The following SEMA6D variants were observed in gnomAD, a reference collection of about 807,000 sequenced individuals.
SEMA6D encodes the protein semaphorin-6D.
Under a neutral mutation model 106.6 loss-of-function variants are expected in SEMA6D, and 35 were observed. The observed-to-expected ratio is 0.33, with a 90% CI of 0.25 to 0.44. The LOEUF (loss-of-function observed/expected upper bound fraction) is 0.44. Ranked by LOEUF, SEMA6D falls within the 20% of genes least tolerant of loss-of-function variation. SEMA6D has a pLI of 1.00. For synonymous variants in SEMA6D, 499 were observed against 487.7 expected (o/e 1.02, Z -0.31); for missense variants, 1,185 against 1,345.9 (o/e 0.88, Z 1.87).
intron 1 of SEMA6D, among the ~76,000 whole-genome samples, chr15:47,723,838 T>TATTGGGTTTTTAAAGCCCA (rs1234955843): frequency 7.2e-5 from 11 of 152,238 alleles, no homozygotes; most frequent in Admixed American, 7.2e-4. Flanking sequence ...TAAAGCCCAA[T>TATTGGGTTTTTAAAGCCCA]ATGTTGGTAC....
intron 1 of SEMA6D, among the ~76,000 whole-genome samples, chr15:47,221,808 T>C (rs527435927): frequency 6.6e-6 from 1 of 152,352 alleles, no homozygotes; most frequent in African/African-American, 2.4e-5. Flanking sequence ...TCACATTATT[T>C]AAATGGATTG....
At chr15:47,654,565 C>G (rs77609223) in intron 4 of SEMA6D, among the ~76,000 whole-genome samples, 27,180 of 152,134 alleles carry the variant, frequency 0.18, 3,009 homozygotes, top group South Asian at 0.27. Flanking sequence ...ATTGTAATTC[C>G]CAATGTTGGC....
intron 1 of SEMA6D, among the ~76,000 whole-genome samples, chr15:47,241,580 A>G (rs769917965): frequency 5.3e-5 from 8 of 151,986 alleles, no homozygotes; most frequent in Non-Finnish European, 1.2e-4. Flanking sequence ...GGCCAAGTAC[A>G]TTGAAGAGAA....
chr15:47,300,477 A>C (rs942076353), intron 1 of SEMA6D, among the ~76,000 whole-genome samples: 1 of 152,156 alleles, frequency 6.6e-6, no homozygotes. Flanking sequence ...AGTAGAAAAA[A>C]TAAAAACGTG....
intron 1 of SEMA6D, among the ~76,000 whole-genome samples, chr15:47,207,270 C>T (rs1895135710): frequency 6.6e-6 from 1 of 152,156 alleles, no homozygotes; most frequent in Non-Finnish European, 1.5e-5. Context: ...TGGCTTCCTC[C>T]TTTGCTCCAT....
intron 1 of SEMA6D, among the ~76,000 whole-genome samples, chr15:47,209,997 G>C (rs1807577136): frequency 6.6e-6 from 1 of 152,150 alleles, no homozygotes; most frequent in Non-Finnish European, 1.5e-5. Context: ...CTTAAAAAGG[G>C]AGTGGGATAA....
intron 1 of SEMA6D, among the ~76,000 whole-genome samples, chr15:47,376,098 C>G (rs754175757): frequency 6.6e-6 from 1 of 152,144 alleles, no homozygotes; most frequent in Admixed American, 6.6e-5. Context: ...ACTTTGAAGT[C>G]GTATTAGTCT....
chr15:47,738,653 C>A (rs368707912), intron 1 of SEMA6D, among the ~76,000 whole-genome samples: 13 of 152,318 alleles, frequency 8.5e-5, no homozygotes, highest in African/African-American at 2.9e-4. Flanking sequence ...CAGGAAAGAG[C>A]AGAGGAAGCA....
intron 4 of SEMA6D, among the ~76,000 whole-genome samples, chr15:47,650,553 G>A (rs979131697): frequency 1.1e-4 from 16 of 152,154 alleles, no homozygotes; most frequent in African/African-American, 3.6e-4. Flanking sequence ...AATAGATTGA[G>A]GTACAATGAA....
intron 3 of SEMA6D, among the ~76,000 whole-genome samples, chr15:47,531,204 A>G (rs1238619858): frequency 1.3e-5 from 2 of 152,198 alleles, no homozygotes; most frequent in African/African-American, 4.8e-5. Flanking sequence ...GGAAGAAACC[A>G]TGTATTGTCA....
intron 1 of SEMA6D, among the ~76,000 whole-genome samples, chr15:47,325,318 C>T (rs2037088327): frequency 6.6e-6 from 1 of 152,038 alleles, no homozygotes; most frequent in South Asian, 2.1e-4. Context: ...GGACTACAGG[C>T]GCCCACCACC....
At chr15:47,581,630 A>G (rs1245237566) in intron 3 of SEMA6D, among the ~76,000 whole-genome samples, 2 of 152,212 alleles carry the variant, frequency 1.3e-5, no homozygotes, top group Non-Finnish European at 2.9e-5. Context: ...TAAACCAGGA[A>G]TAAGCTTCAC....
chr15:47,217,565 G>A (rs1470406361), intron 1 of SEMA6D, among the ~76,000 whole-genome samples: 1 of 118,444 alleles, frequency 8.4e-6, no homozygotes, highest in Non-Finnish European at 1.7e-5. Flanking sequence ...ACGCGTGCAC[G>A]GGTGTGTGTG....
chr15:47,210,083 A>G (rs1197894218), intron 1 of SEMA6D, among the ~76,000 whole-genome samples: 1 of 152,144 alleles, frequency 6.6e-6, no homozygotes, highest in East Asian at 1.9e-4. Flanking sequence ...TTACCCAATG[A>G]CCTACCCTTT....
At chr15:47,380,247 A>G (rs1261240573) in intron 1 of SEMA6D, among the ~76,000 whole-genome samples, 1 of 152,226 alleles carries the variant, frequency 6.6e-6, no homozygotes, top group Non-Finnish European at 1.5e-5. Flanking sequence ...CAAATTTTCA[A>G]CATAATGCCA....
chr15:47,733,042 C>T (rs920873952), intron 1 of SEMA6D, among the ~76,000 whole-genome samples: 1 of 152,216 alleles, frequency 6.6e-6, no homozygotes, highest in Non-Finnish European at 1.5e-5. Context: ...CTCTGTAAGA[C>T]ATTTCATGAT....
At chr15:47,600,742 GA>G (rs2076636453) in intron 3 of SEMA6D, 1 of 152,120 alleles carries the variant, frequency 6.6e-6, no homozygotes, top group African/African-American at 2.4e-5. Flanking sequence ...TAAAATTAGA[GA>G]ATGACAATCT....
At chr15:47,320,044 C>G (rs2036862585) in intron 1 of SEMA6D, among the ~76,000 whole-genome samples, 1 of 152,100 alleles carries the variant, frequency 6.6e-6, no homozygotes, top group Non-Finnish European at 1.5e-5. Flanking sequence ...CTGTGCCCTC[C>G]TCTCTCTTGA....
chr15:47,620,703 T>C (rs1345032014), intron 4 of SEMA6D, among the ~76,000 whole-genome samples: 1 of 126,998 alleles, frequency 7.9e-6, no homozygotes, highest in African/African-American at 2.6e-5. Flanking sequence ...AATATATATA[T>C]ATATATACAC....
Sources: allele counts gnomAD v4.1 joint callset (sites outside exome capture counted in the v4.1 genomes callset), GRCh38; gene constraint gnomAD v4.1.1; transcripts MANE v1.5; gene names NCBI Gene and HGNC (gene_info 2026-07-23, HGNC 2026-07-21).